The following STT3B variants were observed in gnomAD, a reference collection of about 807,000 sequenced individuals.
STT3B encodes the protein STT3 oligosaccharyltransferase complex catalytic subunit B.
In STT3B, 29 loss-of-function variants were observed where a neutral mutation model predicts 96.8. That is an observed-to-expected ratio of 0.30 (90% CI 0.22 to 0.41). STT3B has a LOEUF of 0.41. Among genes scored for constraint, STT3B ranks in the 10% least tolerant of loss-of-function variants. STT3B has a pLI of 1.00. For missense variants in STT3B, 640 were observed against 1,022.3 expected, an observed-to-expected ratio of 0.63 and a Z score of 5.10; for synonymous variants, 367 against 360.0, an observed-to-expected ratio of 1.02 and a Z score of -0.22.
Position 31,533,280 on chromosome 3 carries a change from C to T in STT3B, c.282C>T (p.Arg94=). ...GCTCGCGCCTCTTCGCCGTCATCCG[C>T]TTCGAAAGCATCATCCACGAGTTCG... ...GFSSRLFAVI[R]FESIIHEFDP... is the part of the protein sequence containing the mutation. The change falls in exon 1 of 16, where the codon CGC becomes CGT. Residue 94 remains arginine (R), a synonymous_variant. Transcript: ENST00000295770. 1 of 1,534,500 alleles carries T rather than the reference C, an allele frequency of 6.5e-7. No homozygotes were observed.
chr3:31,635,881 G>C (rs1447624575), intron 15 of STT3B, 103 bp from the exon 16 acceptor site: 10 of 739,400 alleles, frequency 1.4e-5, no homozygotes, highest in Non-Finnish European at 2.2e-5. Flanking sequence ...GAAGAGCAGA[G>C]AGCTTACTAA....
intron 1 of STT3B, among the ~76,000 whole-genome samples, chr3:31,535,538 A>T (rs915747188): frequency 2.0e-5 from 3 of 152,034 alleles, no homozygotes; most frequent in African/African-American, 7.2e-5. Flanking sequence ...AGCCTGGCCA[A>T]CATGGTGAAA....
chr3:31,621,349 T>C lies in STT3B; in HGVS notation c.1328-748T>C, dbSNP rs1699423591. ...GAGGCATGAGGACATATAAAAATGT[T>C]CTATATCATTATGGGTTGTAGTTAC... On this transcript the variant is annotated intron_variant, in intron 9 of 15. Coordinates refer to ENST00000295770, the MANE Select transcript of STT3B (RefSeq NM_178862.3). 2.0e-5 allele frequency among the ~76,000 whole-genome samples: 3 copies of C among 152,184 alleles called. No homozygotes were observed. The South Asian group carries it at 6.2e-4, about 32-fold the overall frequency.
chr3:31,561,199 A>G (rs893676912), intron 1 of STT3B, among the ~76,000 whole-genome samples: 1 of 149,242 alleles, frequency 6.7e-6, no homozygotes, highest in African/African-American at 2.5e-5. Flanking sequence ...CTTGTATCCT[A>G]CTGAGTTTTT....
chr3:31,568,044 C>G (rs1698047136), intron 1 of STT3B, among the ~76,000 whole-genome samples: 2 of 151,762 alleles, frequency 1.3e-5, no homozygotes, highest in Admixed American at 1.3e-4. Flanking sequence ...TCATTCTGCT[C>G]TCTATCTCCA....
chr3:31,617,159 A>C, intron 7 of STT3B, 84 bp downstream of exon 7: 1 of 1,082,704 alleles, frequency 9.2e-7, no homozygotes, highest in Non-Finnish European at 1.3e-6. Flanking sequence ...AATCTGAATA[A>C]CAGCATGACT....
intron 1 of STT3B, among the ~76,000 whole-genome samples, chr3:31,535,446 G>T (rs573671908): frequency 7.9e-5 from 12 of 151,914 alleles, no homozygotes; most frequent in African/African-American, 2.7e-4. Flanking sequence ...TGTTTTGGTC[G>T]GGCGCGGTGG....
At chr3:31,556,669 A>G (rs1049772765) in intron 1 of STT3B, among the ~76,000 whole-genome samples, 1 of 152,126 alleles carries the variant, frequency 6.6e-6, no homozygotes, top group Non-Finnish European at 1.5e-5. Context: ...ATTTTTTCAT[A>G]TGCTTCTTGG....
chr3:31,620,408 CTT>C (rs1189840355), intron 9 of STT3B: 2 of 151,850 alleles, frequency 1.3e-5, no homozygotes, highest in Non-Finnish European at 2.9e-5. Flanking sequence ...AAAATTTTAA[CTT>C]TGTTGACAAT....
At chr3:31,587,402 T>C (rs1698566238) in intron 3 of STT3B, among the ~76,000 whole-genome samples, 1 of 152,044 alleles carries the variant, frequency 6.6e-6, no homozygotes, top group Non-Finnish European at 1.5e-5. Flanking sequence ...TGTTGCCTTT[T>C]GTATCTTTTT....
intron 1 of STT3B, among the ~76,000 whole-genome samples, chr3:31,564,984 T>C (rs184294920): frequency 6.6e-6 from 1 of 152,344 alleles, no homozygotes; most frequent in Admixed American, 6.5e-5. Flanking sequence ...TCTGTATCTC[T>C]TGGAAGATGT....
chr3:31,590,938 G>C (rs1438888416), intron 3 of STT3B, among the ~76,000 whole-genome samples: 2 of 152,044 alleles, frequency 1.3e-5, no homozygotes, highest in Non-Finnish European at 2.9e-5. Flanking sequence ...ACATATGCTT[G>C]AAAAGAACAT....
At chr3:31,593,593 A>T (rs2125459741) in intron 3 of STT3B, among the ~76,000 whole-genome samples, 1 of 152,002 alleles carries the variant, frequency 6.6e-6, no homozygotes, top group South Asian at 2.1e-4. Flanking sequence ...TTTGGGTTGG[A>T]TACTTCCTGT....
chr3:31,546,897 A>T (rs995607910), intron 1 of STT3B, among the ~76,000 whole-genome samples: 5 of 152,194 alleles, frequency 3.3e-5, no homozygotes, highest in African/African-American at 1.2e-4. Flanking sequence ...TAGTATGTTA[A>T]AAGGAAAGGC....
At chr3:31,552,328 G>T (rs9817014) in intron 1 of STT3B, among the ~76,000 whole-genome samples, 83,423 of 151,996 alleles carry the variant, frequency 0.55, 25,880 homozygotes, top group Non-Finnish European at 0.71. Context: ...GGCTACAGTA[G>T]TGTGAACCCA....
intron 15 of STT3B, among the ~76,000 whole-genome samples, chr3:31,634,921 A>ATAAGG (rs1699731069): frequency 6.6e-6 from 1 of 152,210 alleles, no homozygotes; most frequent in Non-Finnish European, 1.5e-5. Context: ...CAGTTTAACA[A>ATAAGG]TAAGGTAATA....
At chr3:31,592,373 T>C (rs879717409) in intron 3 of STT3B, among the ~76,000 whole-genome samples, 1 of 152,340 alleles carries the variant, frequency 6.6e-6, no homozygotes, top group Non-Finnish European at 1.5e-5. Context: ...CTGGACACTT[T>C]TATGGTCTAG....
At chr3:31,541,464 C>CTTTTTTTTTTTT (rs1318453174) in intron 1 of STT3B, among the ~76,000 whole-genome samples, 1 of 118,680 alleles carries the variant, frequency 8.4e-6, no homozygotes, top group East Asian at 2.5e-4. Context: ...CTTTTTTTTT[C>CTTTTTTTTTTTT]TTTTTTTGTT....
intron 1 of STT3B, among the ~76,000 whole-genome samples, chr3:31,565,948 T>C (rs1277490400): frequency 6.6e-6 from 1 of 152,232 alleles, no homozygotes; most frequent in Non-Finnish European, 1.5e-5. Context: ...CCAGTGGTTT[T>C]TGTTTTAGAT....
Sources: allele counts gnomAD v4.1 joint callset (sites outside exome capture counted in the v4.1 genomes callset), GRCh38; gene constraint gnomAD v4.1.1; transcripts MANE v1.5; gene names NCBI Gene and HGNC (gene_info 2026-07-23, HGNC 2026-07-21).